Variants in PTPRM observed in about 807,000 individuals in gnomAD.
PTPRM encodes protein tyrosine phosphatase receptor type M, also known as receptor-type tyrosine-protein phosphatase mu.
A neutral mutation model predicts 186.7 loss-of-function variants in PTPRM; 47 were observed. The ratio of observed to expected loss-of-function variants is 0.25; its 90% CI spans 0.20 to 0.32. The LOEUF is 0.32. Ranked by LOEUF, PTPRM falls within the 10% of genes least tolerant of loss-of-function variation. The pLI is 1.00. For synonymous variants in PTPRM, 668 were observed against 674.9 expected (o/e 0.99, Z 0.16); for missense variants, 1,494 against 1,865.0 (o/e 0.80, Z 3.66).
chr18:8,137,722 G>A lies in PTPRM; in HGVS notation c.2168-5925G>A, dbSNP rs189451534. On this transcript the variant is annotated intron_variant, in intron 13 of 32. Coordinates refer to ENST00000580170, the MANE Select transcript of PTPRM (RefSeq NM_001105244.2). Reference sequence around the variant, plus strand: ...GCTCCAGACCCTGCCCTTGAAGCTAGTATGTGACTCCAGAGGCCCCTTTGT... The same window carrying A: ...GCTCCAGACCCTGCCCTTGAAGCTAATATGTGACTCCAGAGGCCCCTTTGT... Among the ~76,000 whole-genome samples the A allele has an allele frequency of 4.1e-3, 619 of 152,218 alleles. 18 individuals are homozygous for A. The highest frequency in any genetic ancestry group is 0.037 in the Admixed American group (569 of 15,286).
chr18:7,634,057 C>A (rs1002638928), intron 1 of PTPRM, among the ~76,000 whole-genome samples: 4 of 152,110 alleles, frequency 2.6e-5, no homozygotes, highest in African/African-American at 9.7e-5. Flanking sequence ...TTGCTTCTAG[C>A]ACTTCTCTTT....
intron 14 of PTPRM, among the ~76,000 whole-genome samples, chr18:8,198,921 A>G (rs2093815890): frequency 6.6e-6 from 1 of 152,140 alleles, no homozygotes; most frequent in Non-Finnish European, 1.5e-5. Flanking sequence ...TATTGAGCAG[A>G]CAAACTCAGG....
chr18:8,009,770 A>G (rs1168840241), intron 7 of PTPRM, among the ~76,000 whole-genome samples: 1 of 152,152 alleles, frequency 6.6e-6, no homozygotes, highest in East Asian at 1.9e-4. Flanking sequence ...CTTTTCTTCC[A>G]TGTAAAATGT....
intron 9 of PTPRM, among the ~76,000 whole-genome samples, chr18:8,078,840 G>T (rs970818669): frequency 1.3e-5 from 2 of 152,126 alleles, no homozygotes; most frequent in African/African-American, 4.8e-5. Context: ...AAAGTAGGGG[G>T]TGCCACACTC....
chr18:8,261,729 A>T (rs905073830), intron 19 of PTPRM, among the ~76,000 whole-genome samples: 1 of 152,170 alleles, frequency 6.6e-6, no homozygotes, highest in African/African-American at 2.4e-5. Flanking sequence ...TAGATTAAAA[A>T]TTGTTATTTC....
At chr18:8,086,761 C>G (rs2090454344) in intron 10 of PTPRM, among the ~76,000 whole-genome samples, 1 of 152,040 alleles carries the variant, frequency 6.6e-6, no homozygotes, top group Non-Finnish European at 1.5e-5. Flanking sequence ...ATATTCACAA[C>G]TAGAGTATTG....
chr18:7,858,167 G>A (rs1273990732), intron 2 of PTPRM, among the ~76,000 whole-genome samples: 7 of 152,150 alleles, frequency 4.6e-5, no homozygotes, highest in Admixed American at 4.6e-4. Flanking sequence ...GACGTACAAG[G>A]AAGTTCACAT....
At chr18:7,680,926 C>T (rs2039466325) in intron 1 of PTPRM, among the ~76,000 whole-genome samples, 1 of 152,124 alleles carries the variant, frequency 6.6e-6, no homozygotes, top group Non-Finnish European at 1.5e-5. Flanking sequence ...TGCCCAGATG[C>T]TTCAAGGTCA....
At chr18:8,195,590 C>T in intron 14 of PTPRM, among the ~76,000 whole-genome samples, 1 of 152,160 alleles carries the variant, frequency 6.6e-6, no homozygotes, top group East Asian at 1.9e-4. Context: ...GTCTTTGCAG[C>T]AGCATGAAGG....
intron 1 of PTPRM, among the ~76,000 whole-genome samples, chr18:7,765,478 G>A (rs919614643): frequency 2.6e-5 from 4 of 152,062 alleles, no homozygotes; most frequent in African/African-American, 9.7e-5. Context: ...TGTTTGTCAG[G>A]CAATTAAATG....
intron 11 of PTPRM, among the ~76,000 whole-genome samples, chr18:8,108,568 A>G (rs2091623460): frequency 1.3e-5 from 2 of 152,222 alleles, no homozygotes; most frequent in Admixed American, 6.5e-5. Flanking sequence ...TTAGGAAAAA[A>G]CTAAAAACAT....
chr18:8,079,268 G>A (rs7245244), intron 9 of PTPRM, among the ~76,000 whole-genome samples: 4,698 of 152,044 alleles, frequency 0.031, 238 homozygotes, highest in African/African-American at 0.11. Context: ...CTTCTCGTAC[G>A]TTACCCTCCA....
intron 2 of PTPRM, chr18:7,815,670 G>A (rs2044776916): frequency 6.6e-6 from 1 of 151,858 alleles, no homozygotes; most frequent in Non-Finnish European, 1.5e-5. Flanking sequence ...CTCTAGCCGG[G>A]CAATAATAAT....
chr18:8,195,835 G>A (rs556557009), intron 14 of PTPRM, among the ~76,000 whole-genome samples: 15 of 152,004 alleles, frequency 9.9e-5, no homozygotes, highest in East Asian at 1.9e-4. Flanking sequence ...AGACTCCACC[G>A]CTATGCAGTA....
chr18:8,315,825 C>G (rs2095305283), intron 21 of PTPRM, among the ~76,000 whole-genome samples: 1 of 152,124 alleles, frequency 6.6e-6, no homozygotes, highest in South Asian at 2.1e-4. Context: ...ACAGATTTGG[C>G]ATTTTCAGTT....
intron 2 of PTPRM, among the ~76,000 whole-genome samples, chr18:7,855,459 T>C (rs1460078160): frequency 6.6e-6 from 1 of 152,178 alleles, no homozygotes; most frequent in Non-Finnish European, 1.5e-5. Flanking sequence ...CCATGGAACA[T>C]GCCACCTACA....
rs1238151733 is a variant in PTPRM, at chr18:8,289,423, CGTATATATAT to C, written c.2755-6935_2755-6926del. ...GTATATATATATATACACATATATA[CGTATATATAT>C]GTATATATACGTATATATGTATATA... On this transcript the variant is annotated intron_variant, in intron 19 of 32. Coordinates refer to ENST00000580170, the MANE Select transcript of PTPRM (RefSeq NM_001105244.2). Among the ~76,000 whole-genome samples, 377 of 103,826 alleles carry C rather than the reference CGTATATATAT, an allele frequency of 3.6e-3. 8 individuals carry two copies. The highest frequency in any genetic ancestry group is 0.014 in the African/African-American group (359 of 25,430). 68.1% of individuals were successfully genotyped at this position (103,826 alleles called of 152,430 possible).
chr18:8,138,847 GA>G (rs1158541159), intron 13 of PTPRM, among the ~76,000 whole-genome samples: 1 of 151,914 alleles, frequency 6.6e-6, no homozygotes, highest in African/African-American at 2.4e-5. Context: ...CCCATCTTAA[GA>G]AAAAAAGACT....
At chr18:7,847,445 G>A (rs571810504) in intron 2 of PTPRM, among the ~76,000 whole-genome samples, 35 of 152,208 alleles carry the variant, frequency 2.3e-4, no homozygotes, top group African/African-American at 8.4e-4. Context: ...GGGATTACAG[G>A]TGTGAGCCCC....
Sources: allele counts gnomAD v4.1 joint callset (sites outside exome capture counted in the v4.1 genomes callset), GRCh38; gene constraint gnomAD v4.1.1; transcripts MANE v1.5; gene names NCBI Gene and HGNC (gene_info 2026-07-23, HGNC 2026-07-21).